The following RALGPS1 variants were observed in gnomAD, a reference collection of about 807,000 sequenced individuals.
RALGPS1 encodes the protein Ral GEF with PH domain and SH3 binding motif 1.
Under a neutral mutation model 78.8 loss-of-function variants are expected in RALGPS1, and 19 were observed. The observed-to-expected ratio is 0.24, with a 90% confidence interval of 0.17 to 0.35. The LOEUF (loss-of-function observed/expected upper bound fraction) is 0.35. RALGPS1 is among the 10% of genes least tolerant of loss of function. The pLI, the probability that RALGPS1 is intolerant of heterozygous loss-of-function variation, is 1.00. For synonymous variants in RALGPS1, 228 were observed against 256.3 expected, an observed-to-expected ratio of 0.89 and a Z score of 1.06; for missense variants, 454 against 688.3, an observed-to-expected ratio of 0.66 and a Z score of 3.81.
At chr9:127,133,646 G>A (rs763532686) in intron 8 of RALGPS1, among the ~76,000 whole-genome samples, 10 of 152,148 alleles carry the variant, frequency 6.6e-5, no homozygotes, top group Non-Finnish European at 1.5e-4. Flanking sequence ...CCTCCTTCCC[G>A]GCATTGTCAG....
intron 13 of RALGPS1, 113 bp downstream of exon 13, chr9:127,196,744 ACCCAGTGGCCCCTCACCT>A: frequency 7.7e-7 from 1 of 1,293,258 alleles, no homozygotes; most frequent in Non-Finnish European, 1.0e-6. Flanking sequence ...ATTCTTGGGG[ACCCAGTGGCCCCTCACCT>A]CCCTGCAGAG....
chr9:127,084,841 A>G (rs1355900699), intron 8 of RALGPS1, among the ~76,000 whole-genome samples: 1 of 152,270 alleles, frequency 6.6e-6, no homozygotes, highest in Non-Finnish European at 1.5e-5. Flanking sequence ...GATAAAAGTG[A>G]GGCAGAAAGA....
chr9:126,962,825 G>A (rs990536854), intron 2 of RALGPS1, among the ~76,000 whole-genome samples: 1 of 152,188 alleles, frequency 6.6e-6, no homozygotes, highest in Non-Finnish European at 1.5e-5. Flanking sequence ...TTCCATGCTC[G>A]GTAATGGCAC....
At chr9:127,179,250 G>A (rs1264399016) in intron 11 of RALGPS1, among the ~76,000 whole-genome samples, 1 of 152,222 alleles carries the variant, frequency 6.6e-6, no homozygotes, top group East Asian at 1.9e-4. Flanking sequence ...GGAGTGCCTG[G>A]AAGGTTTCAG....
chr9:127,154,700 A>G (rs1444644949), intron 8 of RALGPS1, among the ~76,000 whole-genome samples: 1 of 152,224 alleles, frequency 6.6e-6, no homozygotes, highest in Non-Finnish European at 1.5e-5. Flanking sequence ...ACAGTTTTGC[A>G]TCTGCCTCCA....
intron 4 of RALGPS1, among the ~76,000 whole-genome samples, chr9:126,979,806 A>G (rs2041073190): frequency 6.6e-6 from 1 of 152,218 alleles, no homozygotes; most frequent in Non-Finnish European, 1.5e-5. Context: ...AGTTTGTAGC[A>G]GTGGTTCTTA....
At chr9:127,087,066 G>C (rs2051841370) in intron 8 of RALGPS1, among the ~76,000 whole-genome samples, 1 of 152,218 alleles carries the variant, frequency 6.6e-6, no homozygotes, top group African/African-American at 2.4e-5. Flanking sequence ...CAGGTGTTAA[G>C]TGCACTGCCC....
chr9:127,185,651 G>A (rs1004696574), intron 11 of RALGPS1, among the ~76,000 whole-genome samples: 4 of 152,198 alleles, frequency 2.6e-5, no homozygotes, highest in African/African-American at 9.7e-5. Context: ...CATCATTATT[G>A]TTGTAGTTAT....
chr9:127,153,399 T>A (rs1490812916), intron 8 of RALGPS1, among the ~76,000 whole-genome samples: 3 of 91,214 alleles, frequency 3.3e-5, no homozygotes, highest in Non-Finnish European at 4.9e-5. Context: ...TTTTTTTTTT[T>A]AGCAGTTTCA....
chr9:126,984,309 C>T (rs1429565367), intron 4 of RALGPS1, among the ~76,000 whole-genome samples: 4 of 152,130 alleles, frequency 2.6e-5, no homozygotes, highest in Non-Finnish European at 5.9e-5. Context: ...CACTGTGTTG[C>T]CCAGGCTGGT....
At chr9:127,011,397 T>C (rs1206733027) in intron 4 of RALGPS1, among the ~76,000 whole-genome samples, 1 of 152,130 alleles carries the variant, frequency 6.6e-6, no homozygotes, top group African/African-American at 2.4e-5. Flanking sequence ...CAGGCTGGTC[T>C]CAAACTCCTG....
intron 8 of RALGPS1, chr9:127,107,786 TGGG>T (rs1370336548): frequency 1.1e-6 from 1 of 938,584 alleles, no homozygotes; most frequent in Non-Finnish European, 1.5e-6. Flanking sequence ...AAGGGATTGC[TGGG>T]GGATTGTGCA....
chr9:127,046,779 G>A (rs2047828361), intron 5 of RALGPS1, among the ~76,000 whole-genome samples: 1 of 151,844 alleles, frequency 6.6e-6, no homozygotes, highest in Non-Finnish European at 1.5e-5. Flanking sequence ...TTTGAGGTTG[G>A]AAGGACAGAT....
At chr9:127,130,111 A>T (rs2056905771) in intron 8 of RALGPS1, among the ~76,000 whole-genome samples, 1 of 152,196 alleles carries the variant, frequency 6.6e-6, no homozygotes, top group African/African-American at 2.4e-5. Flanking sequence ...GACTTGGTCG[A>T]GTCGATAGGA....
chr9:127,148,176 G>A (rs896063927), intron 8 of RALGPS1, among the ~76,000 whole-genome samples: 2 of 152,252 alleles, frequency 1.3e-5, no homozygotes, highest in African/African-American at 4.8e-5. Flanking sequence ...CGGTGTATGA[G>A]AAGCTGCGGT....
At chr9:127,053,073 T>C (rs2048425473) in intron 7 of RALGPS1, 134 bp downstream of exon 7, 1 of 668,856 alleles carries the variant, frequency 1.5e-6, no homozygotes, top group South Asian at 1.9e-5. Flanking sequence ...TTGATGACAG[T>C]TCTGTAGGCA....
intron 1 of RALGPS1, among the ~76,000 whole-genome samples, chr9:126,927,693 A>G (rs371694800): frequency 3.3e-5 from 5 of 152,182 alleles, no homozygotes; most frequent in South Asian, 4.1e-4. Flanking sequence ...CATGCCTTCT[A>G]TTGCTGGTCC....
chr9:127,117,811 G>A (rs1286397880), intron 8 of RALGPS1, among the ~76,000 whole-genome samples: 1 of 152,226 alleles, frequency 6.6e-6, no homozygotes, highest in Non-Finnish European at 1.5e-5. Flanking sequence ...AGGTTGGAGT[G>A]GGACCACCTC....
chr9:126,990,076 G>T (rs2042149493), intron 4 of RALGPS1: 1 of 1,503,090 alleles, frequency 6.7e-7, no homozygotes, highest in Non-Finnish European at 9.0e-7. Flanking sequence ...CGAGGTCAAT[G>T]TTGGACGTCG....
Sources: gnomAD v4.1 joint callset for allele counts (sites outside exome capture counted in the v4.1 genomes callset) on GRCh38, gnomAD v4.1.1 for gene constraint, MANE v1.5 for transcripts, NCBI Gene and HGNC (gene_info 2026-07-23, HGNC 2026-07-21) for gene names.